The following MLXIP variants were observed in gnomAD, a reference collection of about 807,000 sequenced individuals.
MLXIP encodes the protein MLX interacting protein.
In MLXIP, 30 loss-of-function variants were observed where a neutral mutation model predicts 87.2. That is an observed-to-expected ratio of 0.34 (90% confidence interval 0.26 to 0.47). MLXIP has a LOEUF of 0.47. MLXIP is among the 20% of genes least tolerant of loss of function. MLXIP has a pLI of 1.00. For synonymous variants in MLXIP, 530 were observed against 514.0 expected (o/e 1.03, Z -0.42); for missense variants, 1,002 against 1,240.1 (o/e 0.81, Z 2.88).
Position 122,129,996 on chromosome 12 carries a change from C to G in MLXIP, c.794C>G (p.Pro265Arg), listed in dbSNP as rs1293487630. Residue 265 changes from proline to arginine, a missense_variant, in exon 6 of 17, where the codon CCC (proline) becomes CGC (arginine). Pro to Arg is a moderately radical substitution (Grantham distance 103, BLOSUM62 -2). Around this residue, in one of 3 missense-constraint regions of MLXIP, gnomAD observed 746 missense variants for 897.0 expected, o/e 0.83. Coordinates refer to ENST00000319080, the MANE Select transcript of MLXIP (RefSeq NM_014938.6). ...GGGGATGGATGGAAGACCCCCGTCC[C>G]CATGGAGGAGGATCCCCTGCTGGAC... ...KHGDGWKTPVPMEEDPLLDTD... is the reference protein window; with the variant it reads ...KHGDGWKTPVRMEEDPLLDTD... The G allele has an allele frequency of 5.0e-6, 8 of 1,613,912 alleles. No individual in the cohort carries two copies. The highest frequency in any genetic ancestry group is 6.8e-6 in the Non-Finnish European group (8 of 1,179,900).
intron 1 of MLXIP, among the ~76,000 whole-genome samples, chr12:122,109,810 T>A (rs1455682335): frequency 6.6e-6 from 1 of 152,210 alleles, no homozygotes; most frequent in African/African-American, 2.4e-5. Flanking sequence ...GGAGAAAGCA[T>A]CTTTAGCAGG....
At chr12:122,117,325 A>G (rs1340120963) in intron 1 of MLXIP, among the ~76,000 whole-genome samples, 1 of 152,216 alleles carries the variant, frequency 6.6e-6, no homozygotes, top group Non-Finnish European at 1.5e-5. Context: ...CGACATGCAC[A>G]CTGCCCCTCC....
chr12:122,110,001 A>G (rs1952579534), intron 1 of MLXIP, among the ~76,000 whole-genome samples: 1 of 152,148 alleles, frequency 6.6e-6, no homozygotes, highest in Non-Finnish European at 1.5e-5. Flanking sequence ...ACCCCAACGC[A>G]TCCCTGCTCT....
Position 122,147,025 on chromosome 12 carries a change from G to C in MLXIP, c.*5213G>C, listed in dbSNP as rs114697195. 1 of 152,348 alleles carries C rather than the reference G, an allele frequency of 6.6e-6. No individual in the cohort carries two copies. The highest frequency in any genetic ancestry group is 2.4e-5 in the African/African-American group (1 of 41,576). 9.4% of individuals were successfully genotyped at this position (152,348 alleles called of 1,614,324 possible). On this transcript the variant is annotated 3_prime_UTR_variant, in exon 17 of 17. Transcript: ENST00000319080. The stretch of plus-strand genomic sequence containing the variant: ...GAAAACGGATTCACTTGCTGATTTT[G>C]TTCACGGCGGAAGCACCATGTTCCG...
chr12:122,081,775 C>T (rs2135887048), intron 1 of MLXIP, among the ~76,000 whole-genome samples: 1 of 152,344 alleles, frequency 6.6e-6, no homozygotes, highest in African/African-American at 2.4e-5. Flanking sequence ...TGCCGGCTGT[C>T]TGGGTCCTCC....
intron 1 of MLXIP, among the ~76,000 whole-genome samples, chr12:122,093,555 G>C (rs1370320901): frequency 7.9e-6 from 1 of 126,976 alleles, no homozygotes; most frequent in Non-Finnish European, 1.6e-5. Flanking sequence ...GTGTGTTTGC[G>C]GTGCCTGTGG....
At position 122,132,181 on chromosome 12, in the gene MLXIP, CA is replaced by C. The variant is rs1291465636; in HGVS notation, c.1001-108del. The C allele has an allele frequency of 1.9e-4, 145 of 779,666 alleles. 1 individual carries two copies. The East Asian group carries it at 3.8e-3, about 21-fold the overall frequency. The allele number at this position is 779,666 out of a possible 1,614,324, so 48.3% of individuals were successfully genotyped here. On this transcript the variant is annotated intron_variant, in intron 7 of 16. Transcript: ENST00000319080. ...TCATGATCTGCCTACCTCGGCCTCC[CA>C]AAGTGCTGGGATTACAGGCATGAGC...
At chr12:122,106,003 T>A (rs1188816738) in intron 1 of MLXIP, among the ~76,000 whole-genome samples, 1 of 152,204 alleles carries the variant, frequency 6.6e-6, no homozygotes, top group African/African-American at 2.4e-5. Flanking sequence ...CACTTGCTCT[T>A]CTTTTTCAAG....
Position 122,143,009 on chromosome 12 carries a change from C to T in MLXIP, c.*1197C>T, listed in dbSNP as rs1010217518. ...AGTGAGAGTTTGGCCCAGCCTCAGT[C>T]CTTGCTCTTCTCTGGCTACCTCTGC... On this transcript the variant is annotated 3_prime_UTR_variant, in exon 17 of 17. Transcript: ENST00000319080. 6 of 152,928 alleles carry T rather than the reference C, an allele frequency of 3.9e-5. No individual in the cohort carries two copies. The highest frequency in any genetic ancestry group is 1.4e-4 in the African/African-American group (6 of 41,468). 9.5% of individuals were successfully genotyped at this position (152,928 alleles called of 1,614,324 possible).
intron 1 of MLXIP, among the ~76,000 whole-genome samples, chr12:122,087,160 C>T (rs768535346): frequency 3.2e-4 from 48 of 152,304 alleles, no homozygotes; most frequent in Non-Finnish European, 6.2e-4. Flanking sequence ...TGGCTATGAT[C>T]TGGGTTTGGC....
At chr12:122,138,326 G>A (rs1038924588) in intron 13 of MLXIP, 31 bp downstream of exon 13, 1 of 1,612,156 alleles carries the variant, frequency 6.2e-7, no homozygotes, top group African/African-American at 1.3e-5. Flanking sequence ...GCTGTGGCAG[G>A]GCAGGGGAGC....
chr12:122,088,845 G>A (rs759274924), intron 1 of MLXIP, among the ~76,000 whole-genome samples: 1 of 151,894 alleles, frequency 6.6e-6, no homozygotes, highest in Non-Finnish European at 1.5e-5. Flanking sequence ...CCTAGTTTTC[G>A]GATATTCACC....
chr12:122,095,223 TTG>T (rs1465640892), intron 1 of MLXIP, among the ~76,000 whole-genome samples: 5 of 139,424 alleles, frequency 3.6e-5, no homozygotes, highest in African/African-American at 1.4e-4. Flanking sequence ...GTGTGTTGGT[TTG>T]TGTGTGGGAT....
intron 1 of MLXIP, among the ~76,000 whole-genome samples, chr12:122,121,532 A>G (rs1177211188): frequency 2.6e-5 from 4 of 151,894 alleles, no homozygotes; most frequent in African/African-American, 9.7e-5. Context: ...GGCCTCCCAA[A>G]GTGCTGAGAT....
Position 122,138,294 on chromosome 12 carries a change from T to A in MLXIP, c.2255T>A (p.Leu752Gln), listed in dbSNP as rs1192652852. 1.2e-6 allele frequency: 2 copies of A among 1,613,830 alleles called. No individual in the cohort carries two copies. Among genetic ancestry groups the A allele is most frequent in the East Asian group, 4.5e-5 (2 of 44,880 alleles). The change falls in exon 13 of 17, where the codon CTG becomes CAG. Residue 752 changes from leucine (L) to glutamine (Q), a missense_variant and splice_region_variant. By Grantham distance (113) the Leu-to-Gln change is moderately radical. Coordinates refer to ENST00000319080, the MANE Select transcript of MLXIP (RefSeq NM_014938.6). Reference protein sequence around the residue: ...LNSLISNNSKLTSHAITLQKT... With the variant: ...LNSLISNNSKQTSHAITLQKT... The stretch of plus-strand genomic sequence containing the variant: ...AGCCTCATCTCCAACAATTCCAAGC[T>A]GGTGAGTTGCCAAGAGCGTGGGCTG...
At chr12:122,116,673 G>A (rs1952696831) in intron 1 of MLXIP, among the ~76,000 whole-genome samples, 1 of 152,176 alleles carries the variant, frequency 6.6e-6, no homozygotes. Context: ...AATCTGACAG[G>A]AAACTTAAGA....
At chr12:122,123,224 G>A (rs751855342) in intron 1 of MLXIP, among the ~76,000 whole-genome samples, 1 of 152,172 alleles carries the variant, frequency 6.6e-6, no homozygotes, top group Non-Finnish European at 1.5e-5. Context: ...ACCTTCTGAG[G>A]CATCACAGAA....
chr12:122,103,373 C>T (rs886103030), intron 1 of MLXIP, among the ~76,000 whole-genome samples: 34 of 151,834 alleles, frequency 2.2e-4, no homozygotes, highest in African/African-American at 3.9e-4. Flanking sequence ...TAGAGGCGCC[C>T]GCCACCATGC....
At chr12:122,104,756 A>G (rs895194623) in intron 1 of MLXIP, among the ~76,000 whole-genome samples, 4 of 150,834 alleles carry the variant, frequency 2.7e-5, no homozygotes, top group African/African-American at 9.7e-5. Flanking sequence ...ATTTTTTTGT[A>G]TTTTTAGTGG....
Sources: allele counts gnomAD v4.1 joint callset (sites outside exome capture counted in the v4.1 genomes callset), GRCh38; gene constraint gnomAD v4.1.1; regional missense constraint gnomAD v4.1.1; transcripts MANE v1.5; gene names NCBI Gene and HGNC (gene_info 2026-07-23, HGNC 2026-07-21).